ITPK1: variants seen among roughly 807,000 people sequenced by gnomAD.
The protein encoded by ITPK1 is inositol 1,3,4-trisphosphate 5/6-kinase.
Under a neutral mutation model 45.3 loss-of-function variants are expected in ITPK1, and 21 were observed. The ratio of observed to expected loss-of-function variants is 0.46; its 90% confidence interval spans 0.33 to 0.67. The LOEUF (loss-of-function observed/expected upper bound fraction) is 0.67. Among genes scored for constraint, ITPK1 ranks in the 30% least tolerant of loss-of-function variants. The probability of loss-of-function intolerance (pLI) is 0.02; values close to 1 mark genes in which losing one functional copy is unlikely to be tolerated. For synonymous variants in ITPK1, 258 were observed against 253.6 expected (o/e 1.02, Z -0.16); for missense variants, 474 against 573.5 (o/e 0.83, Z 1.77).
At chr14:93,098,437 A>C (rs1196437613) in intron 2 of ITPK1, among the ~76,000 whole-genome samples, 1 of 148,878 alleles carries the variant, frequency 6.7e-6, no homozygotes, top group East Asian at 2.0e-4. Context: ...AACCTGGGCG[A>C]CAGAGCGAGA....
At chr14:92,942,176 T>G (rs189531019) in intron 10 of ITPK1, among the ~76,000 whole-genome samples, 5 of 152,298 alleles carry the variant, frequency 3.3e-5, no homozygotes, top group African/African-American at 1.2e-4. Context: ...TGAAACTTGC[T>G]TGTCCCTGTT....
At chr14:93,030,985 C>A (rs897875555) in intron 3 of ITPK1, among the ~76,000 whole-genome samples, 1 of 152,154 alleles carries the variant, frequency 6.6e-6, no homozygotes, top group African/African-American at 2.4e-5. Context: ...TGGCAATCCA[C>A]CCCCAGCAGG....
intron 3 of ITPK1, among the ~76,000 whole-genome samples, chr14:93,055,332 G>T (rs1595172894): frequency 6.6e-6 from 1 of 152,118 alleles, no homozygotes; most frequent in Non-Finnish European, 1.5e-5. Context: ...TGCCATGGAG[G>T]ATTTGCAGGG....
chr14:93,010,302 C>T (rs1192738278), intron 4 of ITPK1, among the ~76,000 whole-genome samples: 1 of 152,272 alleles, frequency 6.6e-6, no homozygotes, highest in East Asian at 1.9e-4. Context: ...TCTACTTCCT[C>T]TCCATCCCTG....
Position 92,958,394 on chromosome 14 carries a change from G to A in ITPK1, c.505-28C>T, listed in dbSNP as rs1407154383. On this transcript the variant is annotated intron_variant, in intron 7 of 10. Transcript: ENST00000267615. This position sits in a 1 kb window ranked among gnomAD's most constrained non-coding sequence, Gnocchi z 4.4. ...GGGAAGACAAGGGGTCAAAAGCTCTGTCAGAATCCACCACCTTCTCAGCCT... is the reference window on the plus strand; with the variant it reads ...GGGAAGACAAGGGGTCAAAAGCTCTATCAGAATCCACCACCTTCTCAGCCT... The A allele has an allele frequency of 3.1e-6, 5 of 1,612,334 alleles. No homozygotes were observed. The South Asian group carries it at 4.4e-5, about 14-fold the overall frequency.
chr14:93,060,188 G>A (rs373034239), intron 3 of ITPK1, among the ~76,000 whole-genome samples: 13 of 152,180 alleles, frequency 8.5e-5, no homozygotes, highest in African/African-American at 2.4e-4. Flanking sequence ...CCTTACCTGC[G>A]GCCCAAGAAG....
At chr14:93,092,430 G>A (rs940849929) in intron 2 of ITPK1, among the ~76,000 whole-genome samples, 5 of 152,198 alleles carry the variant, frequency 3.3e-5, no homozygotes, top group Non-Finnish European at 7.3e-5. Context: ...ATGGCTACAC[G>A]GGCCTTGACA....
At chr14:93,006,200 A>T (rs1214430941) in intron 4 of ITPK1, among the ~76,000 whole-genome samples, 1 of 152,210 alleles carries the variant, frequency 6.6e-6, no homozygotes, top group Non-Finnish European at 1.5e-5. Flanking sequence ...GTCCATGTGC[A>T]AGCTGGTCAA....
chr14:93,092,845 C>T (rs1891916748), intron 2 of ITPK1, among the ~76,000 whole-genome samples: 3 of 152,172 alleles, frequency 2.0e-5, no homozygotes, highest in Non-Finnish European at 4.4e-5. Context: ...GACTCCAGCA[C>T]GGCAGGGCCC....
chr14:93,043,449 A>G (rs932998921), intron 3 of ITPK1, among the ~76,000 whole-genome samples: 1 of 150,890 alleles, frequency 6.6e-6, no homozygotes, highest in South Asian at 2.1e-4. Context: ...CCAAGGCTCA[A>G]CCCATCAGGC....
At chr14:93,077,505 A>C (rs112004902) in intron 2 of ITPK1, among the ~76,000 whole-genome samples, 23 of 152,170 alleles carry the variant, frequency 1.5e-4, no homozygotes, top group Non-Finnish European at 2.5e-4. Context: ...TTTAGTAGAG[A>C]TGGGGTTTCA....
intron 3 of ITPK1, among the ~76,000 whole-genome samples, chr14:93,027,085 C>T (rs941715508): frequency 1.3e-5 from 2 of 152,112 alleles, no homozygotes; most frequent in African/African-American, 2.4e-5. Context: ...CTATCGAAGA[C>T]GTTAAGTGAG....
At chr14:92,962,957 C>T (rs1325836814) in intron 5 of ITPK1, 108 bp from the exon 6 acceptor site, 2 of 658,732 alleles carry the variant, frequency 3.0e-6, no homozygotes, top group Non-Finnish European at 5.2e-6. Flanking sequence ...CCCCACGCTC[C>T]TGGATCTGAC....
At chr14:93,057,576 A>G (rs2139941726) in intron 3 of ITPK1, among the ~76,000 whole-genome samples, 1 of 152,368 alleles carries the variant, frequency 6.6e-6, no homozygotes, top group South Asian at 2.1e-4. Context: ...GAGATTTTCT[A>G]GCCCCGTTTT....
chr14:93,085,889 A>G (rs1891631222), intron 2 of ITPK1, among the ~76,000 whole-genome samples: 1 of 152,090 alleles, frequency 6.6e-6, no homozygotes, highest in Admixed American at 6.5e-5. Context: ...TGGGACCTAA[A>G]TTGTGGGAAG....
chr14:93,013,392 C>T (rs191389412), intron 4 of ITPK1, among the ~76,000 whole-genome samples: 1 of 152,360 alleles, frequency 6.6e-6, no homozygotes. Flanking sequence ...CCCACAGCCT[C>T]CACCTGCCCA....
intron 2 of ITPK1, among the ~76,000 whole-genome samples, chr14:93,112,401 C>T (rs956893006): frequency 6.6e-6 from 1 of 150,714 alleles, no homozygotes; most frequent in Admixed American, 6.6e-5. Context: ...CCGGACCATT[C>T]GGGTCATTCT....
chr14:93,078,013 G>C (rs374329656), intron 2 of ITPK1, among the ~76,000 whole-genome samples: 3 of 152,196 alleles, frequency 2.0e-5, no homozygotes, highest in East Asian at 3.9e-4. Flanking sequence ...CAGGGACTAT[G>C]CCAAACTTTA....
At chr14:93,031,848 G>A (rs774130488) in intron 3 of ITPK1, among the ~76,000 whole-genome samples, 7 of 152,100 alleles carry the variant, frequency 4.6e-5, no homozygotes, top group African/African-American at 1.4e-4. Context: ...TGGCAGCCCC[G>A]GCCACAAGTG....
Sources: allele counts gnomAD v4.1 joint callset (sites outside exome capture counted in the v4.1 genomes callset), GRCh38; gene constraint gnomAD v4.1.1; non-coding constraint Gnocchi (gnomAD v3.1); transcripts MANE v1.5; gene names NCBI Gene and HGNC (gene_info 2026-07-23, HGNC 2026-07-21).